The following KAT6B variants were observed in gnomAD, a reference collection of about 807,000 sequenced individuals.
KAT6B encodes histone acetyltransferase KAT6B.
KAT6B carries 10 observed loss-of-function variants against 187.5 expected under a neutral mutation model. The observed-to-expected ratio is 0.05, with a 90% CI of 0.03 to 0.09. The LOEUF is 0.09. Among genes scored for constraint, KAT6B ranks in the 10% least tolerant of loss-of-function variants. The pLI is 1.00. For synonymous variants in KAT6B, 861 were observed against 926.8 expected (o/e 0.93, Z 1.29); for missense variants, 1,952 against 2,558.9 (o/e 0.76, Z 5.12).
intron 11 of KAT6B, chr10:74,984,868 G>A (rs1019523428): frequency 4.4e-5 from 25 of 569,660 alleles, no homozygotes; most frequent in Non-Finnish European, 7.1e-5. Context: ...TACCTTAAAT[G>A]TACCCTAATT....
chr10:75,009,320 A>G (rs16931925), intron 13 of KAT6B, among the ~76,000 whole-genome samples: 4,946 of 152,270 alleles, frequency 0.032, 140 homozygotes, highest in East Asian at 0.082. Flanking sequence ...AATTTGGAAA[A>G]TAGAGTGTCT....
chr10:74,849,886 C>T (rs936374871), intron 3 of KAT6B, among the ~76,000 whole-genome samples: 1 of 151,290 alleles, frequency 6.6e-6, no homozygotes, highest in Admixed American at 6.6e-5. Context: ...TCTGACGAGA[C>T]AGTCTGACCT....
At chr10:74,933,376 A>G (rs555931460) in intron 3 of KAT6B, among the ~76,000 whole-genome samples, 11 of 152,168 alleles carry the variant, frequency 7.2e-5, no homozygotes, top group Non-Finnish European at 1.6e-4. Flanking sequence ...TGGTGTTCGA[A>G]GAGATGTAGG....
chr10:74,979,099 G>A, intron 9 of KAT6B, 125 bp from the exon 10 acceptor site: 2 of 701,754 alleles, frequency 2.8e-6, no homozygotes, highest in Non-Finnish European at 5.1e-6. Flanking sequence ...GTGTTTTAAG[G>A]CCATGCAAAT....
chr10:74,962,356 C>T (rs1161573835), intron 4 of KAT6B, among the ~76,000 whole-genome samples: 3 of 152,178 alleles, frequency 2.0e-5, no homozygotes, highest in Non-Finnish European at 4.4e-5. Context: ...GGCCAGCATA[C>T]CTCAACAGTG....
Position 74,981,824 on chromosome 10 carries a change from T to C in KAT6B, c.2269T>C (p.Tyr757His). The C allele has an allele frequency of 6.4e-7, 1 of 1,569,420 alleles. No homozygotes were observed. Among genetic ancestry groups the C allele is most frequent in the Non-Finnish European group, 8.8e-7 (1 of 1,139,676 alleles). Residue 757 changes from tyrosine (Y) to histidine (H), a missense_variant, in exon 11 of 18, where the codon TAT (tyrosine) becomes CAT (histidine). Tyr to His is a moderately conservative substitution (Grantham distance 83). Around this residue, in one of 9 missense-constraint regions of KAT6B, gnomAD observed 87 missense variants for 191.8 expected, o/e 0.45. Transcript: ENST00000287239. ...KLYLCEFCLK[Y>H]MKSKNILLRH... The stretch of plus-strand genomic sequence containing the variant: ...TTACCTGTGTGAATTCTGTCTTAAA[T>C]ATATGAAAAGTAAAAATATTTTGCT...
chr10:74,894,216 G>T (rs1845834577), intron 3 of KAT6B, among the ~76,000 whole-genome samples: 1 of 152,066 alleles, frequency 6.6e-6, no homozygotes, highest in East Asian at 1.9e-4. Flanking sequence ...CAAGTAGCTG[G>T]AACTATAGGC....
Position 74,981,778 on chromosome 10 carries a change from C to T in KAT6B, c.2232-9C>T, listed in dbSNP as rs1351083321. 6.7e-7 allele frequency: 1 copy of T among 1,493,896 alleles called. No individual in the cohort carries two copies. Among genetic ancestry groups the T allele is most frequent in the African/African-American group, 1.4e-5 (1 of 72,394 alleles). 92.5% of individuals were successfully genotyped at this position (1,493,896 alleles called of 1,614,324 possible). A position where few individuals can be genotyped will look rare whatever the true frequency, so the allele number is the denominator to read the frequency against. On this transcript the variant is annotated splice_polypyrimidine_tract_variant and intron_variant, in intron 10 of 17. Transcript: ENST00000287239. ...TCTGATAGATTCTATGATTTTTAAA[C>T]TTTAACAGATTACCAAAGCTTTACC...
chr10:74,874,790 T>C (rs1001116564), intron 3 of KAT6B, among the ~76,000 whole-genome samples: 2 of 152,114 alleles, frequency 1.3e-5, no homozygotes, highest in African/African-American at 4.8e-5. Flanking sequence ...GAGATCTATG[T>C]TTTGTGTGTG....
chr10:74,868,477 A>G (rs6480762), intron 3 of KAT6B, among the ~76,000 whole-genome samples: 47,058 of 152,048 alleles, frequency 0.31, 12,962 homozygotes, highest in African/African-American at 0.73. Flanking sequence ...TTCTCTTCTC[A>G]GAGATTTTTA....
At chr10:74,944,328 A>AGGG (rs1467455964) in intron 3 of KAT6B, among the ~76,000 whole-genome samples, 2 of 152,182 alleles carry the variant, frequency 1.3e-5, no homozygotes, top group East Asian at 3.8e-4. Context: ...CAATCCCTGG[A>AGGG]GGGAGTGATA....
At chr10:74,910,975 C>T (rs1433868694) in intron 3 of KAT6B, among the ~76,000 whole-genome samples, 2 of 151,974 alleles carry the variant, frequency 1.3e-5, no homozygotes, top group African/African-American at 2.4e-5. Context: ...TTTCTTCCTT[C>T]TTGGAAGAAT....
At chr10:74,830,750 A>ATG (rs1840719910) in intron 1 of KAT6B, among the ~76,000 whole-genome samples, 2 of 20,724 alleles carry the variant, frequency 9.7e-5, no homozygotes, top group Non-Finnish European at 1.5e-4. Flanking sequence ...ATATATATAT[A>ATG]TATATATATA....
At chr10:74,900,424 T>C (rs1393914036) in intron 3 of KAT6B, among the ~76,000 whole-genome samples, 1 of 152,214 alleles carries the variant, frequency 6.6e-6, no homozygotes, top group Non-Finnish European at 1.5e-5. Flanking sequence ...GCTCACTCTG[T>C]CTGCGAGTAG....
intron 3 of KAT6B, among the ~76,000 whole-genome samples, chr10:74,956,015 C>T (rs1840667346): frequency 6.6e-6 from 1 of 152,132 alleles, no homozygotes; most frequent in Non-Finnish European, 1.5e-5. Context: ...CCTCAACTTC[C>T]TCAGCTCAAG....
In KAT6B at chr10:74,843,327, A is replaced by G. The variant is rs1379768933; in HGVS notation, c.470A>G (p.Lys157Arg). The change falls in exon 3 of 18, where the codon AAA becomes AGA. Residue 157 changes from lysine to arginine, a missense_variant. Coordinates refer to ENST00000287239, the MANE Select transcript of KAT6B (RefSeq NM_012330.4). Reference sequence around the variant, plus strand: ...CAGCAGCGGCTGCGACTGGGGGCCAAACGCGCTGTGAATAATGGGAGGTTA... The same window carrying G: ...CAGCAGCGGCTGCGACTGGGGGCCAGACGCGCTGTGAATAATGGGAGGTTA... Reference protein sequence around the residue: ...AFQQRLRLGAKRAVNNGRLLK... With the variant: ...AFQQRLRLGARRAVNNGRLLK... 7 of 1,613,540 alleles carry G rather than the reference A, an allele frequency of 4.3e-6. No individual in the cohort carries two copies. The highest frequency in any genetic ancestry group is 5.9e-6 in the Non-Finnish European group (7 of 1,179,740).
intron 13 of KAT6B, among the ~76,000 whole-genome samples, chr10:75,008,805 A>G (rs1844396852): frequency 6.6e-6 from 1 of 152,216 alleles, no homozygotes; most frequent in African/African-American, 2.4e-5. Context: ...TACCAGATTT[A>G]ATTAATAATT....
intron 3 of KAT6B, among the ~76,000 whole-genome samples, chr10:74,885,525 C>T (rs998371969): frequency 6.6e-6 from 1 of 152,086 alleles, no homozygotes; most frequent in Admixed American, 6.5e-5. Context: ...GTTTATCAAA[C>T]TTAAATATGC....
intron 3 of KAT6B, among the ~76,000 whole-genome samples, chr10:74,883,138 A>G (rs1844981498): frequency 6.6e-6 from 1 of 152,228 alleles, no homozygotes; most frequent in South Asian, 2.1e-4. Flanking sequence ...TGGAAGGGAA[A>G]ACATGGAAAC....
Sources: gnomAD v4.1 joint callset for allele counts (sites outside exome capture counted in the v4.1 genomes callset) on GRCh38, gnomAD v4.1.1 for gene constraint, gnomAD v4.1.1 regional missense constraint, MANE v1.5 for transcripts, NCBI Gene and HGNC (gene_info 2026-07-23, HGNC 2026-07-21) for gene names.